The following TBL1X variants were observed in gnomAD, a reference collection of about 807,000 sequenced individuals.
TBL1X encodes the protein transducin beta like 1 X-linked.
TBL1X carries 10 observed loss-of-function variants against 50.7 expected under a neutral mutation model. The observed-to-expected ratio is 0.20, with a 90% CI of 0.12 to 0.33. The LOEUF is 0.33. Ranked by LOEUF, TBL1X falls within the 10% of genes least tolerant of loss-of-function variation. The pLI, the probability that TBL1X is intolerant of heterozygous loss-of-function variation, is 1.00. For synonymous variants in TBL1X, 190 were observed against 214.7 expected (o/e 0.88, Z 1.01); for missense variants, 340 against 504.4 (o/e 0.67, Z 3.12).
chrX:9,620,501 G>A (rs1381296278), intron 2 of TBL1X, among the ~76,000 whole-genome samples: 2 of 112,137 alleles, frequency 1.8e-5, no homozygotes, highest in Non-Finnish European at 3.8e-5. Flanking sequence ...TGACAGAGAC[G>A]AACAAGGTGA....
At position 9,634,647 on chromosome X, in the gene TBL1X, C is replaced by A. The variant is rs777841208; in HGVS notation, c.-130-5626C>A. On this transcript the variant is annotated intron_variant, in intron 2 of 17. Coordinates refer to ENST00000645353, the MANE Select transcript of TBL1X (RefSeq NM_005647.4). ...AATTACAGGCATGAGCCACTGCGCC[C>A]AGCCTATTATTTTTTAATAACTTTA... Among the ~76,000 whole-genome samples, 27 of 110,822 alleles carry A rather than the reference C, an allele frequency of 2.4e-4. No homozygotes were observed. In the East Asian group the frequency reaches 7.7e-3, roughly 32 times the overall value.
upstream of TBL1X, among the ~76,000 whole-genome samples, chrX:9,463,918 C>A (rs867724963): frequency 3.5e-5 from 3 of 84,934 alleles, no homozygotes; most frequent in East Asian, 4.6e-4. Flanking sequence ...AACAAAAAAA[C>A]AAAAACCTCA....
intron 6 of TBL1X, among the ~76,000 whole-genome samples, chrX:9,687,498 A>C (rs939852471): frequency 1.1e-4 from 12 of 110,536 alleles, no homozygotes; most frequent in Non-Finnish European, 2.1e-4. Flanking sequence ...CCACCGCAGC[A>C]CTCAGTATTT....
intron 2 of TBL1X, among the ~76,000 whole-genome samples, chrX:9,511,555 A>G (rs2082055521): frequency 8.9e-6 from 1 of 112,194 alleles, no homozygotes; most frequent in Admixed American, 9.4e-5. Context: ...TAAAAATTCT[A>G]CCCCTGGAGG....
intron 2 of TBL1X, among the ~76,000 whole-genome samples, chrX:9,535,470 C>T (rs930387011): frequency 8.9e-6 from 1 of 112,043 alleles, no homozygotes; most frequent in African/African-American, 3.2e-5. Context: ...GCACACTGGC[C>T]TGAGGTCTCC....
intron 1 of TBL1X, among the ~76,000 whole-genome samples, chrX:9,495,923 C>T (rs2081969021): frequency 8.9e-6 from 1 of 112,261 alleles, no homozygotes; most frequent in African/African-American, 3.2e-5. Context: ...CCACACGCTG[C>T]ATGTTTGAGA....
chrX:9,628,675 G>A (rs1282233151), intron 2 of TBL1X, among the ~76,000 whole-genome samples: 1 of 110,045 alleles, frequency 9.1e-6, no homozygotes, highest in East Asian at 2.8e-4. Context: ...AGCCTCCCAA[G>A]TAGCTGGGAT....
intron 5 of TBL1X, among the ~76,000 whole-genome samples, chrX:9,668,979 A>G (rs2146614375): frequency 8.9e-6 from 1 of 111,907 alleles, no homozygotes; most frequent in Admixed American, 9.5e-5. Context: ...TAAGACTAAG[A>G]CTTATTTTGC....
chrX:9,650,544 C>T (rs2082828021), intron 3 of TBL1X, among the ~76,000 whole-genome samples: 1 of 111,483 alleles, frequency 9.0e-6, no homozygotes, highest in Non-Finnish European at 1.9e-5. Context: ...GAGGGGGCAC[C>T]GTGCCCTGCC....
rs142886939 is a variant in TBL1X, at chrX:9,635,492, G to A, written c.-130-4781G>A. Among the ~76,000 whole-genome samples the A allele has an allele frequency of 3.6e-5, 4 of 111,576 alleles. No homozygotes were observed. The East Asian group carries it at 1.1e-3, about 32-fold the overall frequency. ...TTTGTTGTCATTGGGCAAATGCTTG[G>A]TAGGGATTTGATCTGTGTAGAGGAA... On this transcript the variant is annotated intron_variant, in intron 2 of 17. Transcript: ENST00000645353.
chrX:9,486,693 T>C (rs927102775), intron 1 of TBL1X, among the ~76,000 whole-genome samples: 1 of 109,217 alleles, frequency 9.2e-6, no homozygotes, highest in Non-Finnish European at 1.9e-5. Flanking sequence ...CTAAAATGTA[T>C]AAAACCAAGC....
intron 1 of TBL1X, among the ~76,000 whole-genome samples, chrX:9,466,100 C>T (rs996469905): frequency 8.9e-6 from 1 of 111,975 alleles, no homozygotes; most frequent in African/African-American, 3.2e-5. Context: ...CTGGGGGCAC[C>T]CTTGGCCCGT....
chrX:9,573,049 C>T (rs1297085755), intron 2 of TBL1X, among the ~76,000 whole-genome samples: 1 of 112,768 alleles, frequency 8.9e-6, no homozygotes, highest in Non-Finnish European at 1.9e-5. Flanking sequence ...CTAAATAAGG[C>T]ATTATCTTCA....
intron 2 of TBL1X, among the ~76,000 whole-genome samples, chrX:9,538,991 G>A (rs1178099046): frequency 8.9e-6 from 1 of 112,628 alleles, no homozygotes; most frequent in African/African-American, 3.2e-5. Flanking sequence ...GTGGCACTCA[G>A]ATAACAGGAC....
intron 5 of TBL1X, among the ~76,000 whole-genome samples, chrX:9,658,724 T>C (rs746402360): frequency 2.7e-5 from 3 of 111,669 alleles, no homozygotes; most frequent in Non-Finnish European, 5.6e-5. Context: ...AGATTCAAAC[T>C]GAATTTAACT....
chrX:9,523,156 T>C (rs2082114514), intron 2 of TBL1X, among the ~76,000 whole-genome samples: 1 of 112,061 alleles, frequency 8.9e-6, no homozygotes, highest in African/African-American at 3.2e-5. Context: ...ATTGCCCTGC[T>C]TTAGCTTTTC....
At chrX:9,569,398 GTGTC>G (rs1211847492) in intron 2 of TBL1X, among the ~76,000 whole-genome samples, 1 of 111,158 alleles carries the variant, frequency 9.0e-6, no homozygotes, top group Non-Finnish European at 1.9e-5. Context: ...GGTGTGCTGT[GTGTC>G]TGTGTGGTGT....
chrX:9,467,313 C>T (rs758427475), intron 1 of TBL1X, among the ~76,000 whole-genome samples: 1 of 111,749 alleles, frequency 8.9e-6, no homozygotes, highest in Non-Finnish European at 1.9e-5. Context: ...AGGAGCACAC[C>T]TCCGCTAGAA....
chrX:9,630,647 C>T (rs1186331115), intron 2 of TBL1X, among the ~76,000 whole-genome samples: 1 of 111,531 alleles, frequency 9.0e-6, no homozygotes, highest in Non-Finnish European at 1.9e-5. Context: ...TCTTGCTAAG[C>T]TCACTGCAGC....
Sources: allele counts gnomAD v4.1 joint callset (sites outside exome capture counted in the v4.1 genomes callset), GRCh38; gene constraint gnomAD v4.1.1; transcripts MANE v1.5; gene names NCBI Gene and HGNC (gene_info 2026-07-23, HGNC 2026-07-21).